PTPRM: variants seen among roughly 807,000 people sequenced by gnomAD.
PTPRM encodes the protein receptor-type tyrosine-protein phosphatase mu.
Under a neutral mutation model 186.7 loss-of-function variants are expected in PTPRM, and 47 were observed. The ratio of observed to expected loss-of-function variants is 0.25; its 90% CI spans 0.20 to 0.32. The LOEUF is 0.32. PTPRM is among the 10% of genes least tolerant of loss of function. The probability of loss-of-function intolerance (pLI) is 1.00; values close to 1 mark genes in which losing one functional copy is unlikely to be tolerated. For missense variants in PTPRM, 1,494 were observed against 1,865.0 expected (o/e 0.80, Z 3.66); for synonymous variants, 668 against 674.9 (o/e 0.99, Z 0.16).
chr18:7,912,678 AT>A (rs374480635), intron 4 of PTPRM, among the ~76,000 whole-genome samples: 211 of 145,340 alleles, frequency 1.5e-3, no homozygotes, highest in Non-Finnish European at 1.4e-3. Flanking sequence ...CGCCCGGCTA[AT>A]TTTTTTTTTT....
At chr18:8,357,415 T>A (rs965450351) in intron 23 of PTPRM, among the ~76,000 whole-genome samples, 8 of 152,222 alleles carry the variant, frequency 5.3e-5, no homozygotes, top group Admixed American at 5.2e-4. Flanking sequence ...TCAAAATTAC[T>A]TAAAGCTATC....
At chr18:7,681,596 AC>A (rs1478546278) in intron 1 of PTPRM, among the ~76,000 whole-genome samples, 1 of 151,856 alleles carries the variant, frequency 6.6e-6, no homozygotes, top group African/African-American at 2.4e-5. Flanking sequence ...AAAAAAAAAA[AC>A]AAAAAACCCT....
At chr18:7,609,649 T>G (rs2037624227) in intron 1 of PTPRM, among the ~76,000 whole-genome samples, 2 of 152,024 alleles carry the variant, frequency 1.3e-5, no homozygotes, top group Admixed American at 1.3e-4. Context: ...CATTTGCTGG[T>G]GTGGTTCCCA....
intron 2 of PTPRM, among the ~76,000 whole-genome samples, chr18:7,775,155 T>A (rs2042518888): frequency 6.6e-6 from 1 of 152,246 alleles, no homozygotes; most frequent in Admixed American, 6.5e-5. Context: ...GAAGTAGAGT[T>A]TAATGTTGTC....
chr18:7,662,891 G>T (rs769071636), intron 1 of PTPRM, among the ~76,000 whole-genome samples: 11 of 152,052 alleles, frequency 7.2e-5, no homozygotes, highest in Non-Finnish European at 8.8e-5. Context: ...AATTAAAAAA[G>T]ATATATACAT....
At chr18:7,789,249 A>G (rs939916461) in intron 2 of PTPRM, among the ~76,000 whole-genome samples, 7 of 151,986 alleles carry the variant, frequency 4.6e-5, no homozygotes, top group African/African-American at 1.7e-4. Context: ...TGCTTGAGCC[A>G]AGGAGGTTGA....
At chr18:8,208,410 T>C (rs2093957841) in intron 14 of PTPRM, among the ~76,000 whole-genome samples, 1 of 152,142 alleles carries the variant, frequency 6.6e-6, no homozygotes, top group African/African-American at 2.4e-5. Flanking sequence ...GGAGATAGAA[T>C]GTAACTAAAA....
chr18:7,715,897 TAAG>T (rs1391847421), intron 1 of PTPRM, among the ~76,000 whole-genome samples: 7 of 152,150 alleles, frequency 4.6e-5, no homozygotes, highest in Non-Finnish European at 7.3e-5. Flanking sequence ...TGTTCATGGA[TAAG>T]AAGAAGAACC....
At chr18:7,867,000 G>A (rs1251894358) in intron 2 of PTPRM, among the ~76,000 whole-genome samples, 1 of 152,102 alleles carries the variant, frequency 6.6e-6, no homozygotes, top group Non-Finnish European at 1.5e-5. Context: ...TCAGAGACTA[G>A]GATTGCAACC....
chr18:8,149,488 G>A (rs1041204688), intron 14 of PTPRM, among the ~76,000 whole-genome samples: 5 of 151,602 alleles, frequency 3.3e-5, no homozygotes, highest in South Asian at 2.1e-4. Context: ...GATTTTTTTC[G>A]CTTTCCATTT....
intron 19 of PTPRM, among the ~76,000 whole-genome samples, chr18:8,260,978 G>T (rs1280835040): frequency 6.6e-6 from 1 of 152,200 alleles, no homozygotes; most frequent in Non-Finnish European, 1.5e-5. Flanking sequence ...AGCAGGGGCA[G>T]GTGGAATCAA....
At chr18:8,188,573 G>C (rs1462607027) in intron 14 of PTPRM, among the ~76,000 whole-genome samples, 1 of 152,186 alleles carries the variant, frequency 6.6e-6, no homozygotes, top group East Asian at 1.9e-4. Context: ...CCCAGCCCTG[G>C]AAAGACAGTG....
At chr18:7,847,308 A>G (rs996347472) in intron 2 of PTPRM, among the ~76,000 whole-genome samples, 4 of 151,706 alleles carry the variant, frequency 2.6e-5, no homozygotes, top group Non-Finnish European at 5.9e-5. Context: ...CCGTGACTAC[A>G]GGCATGTGCC....
intron 1 of PTPRM, among the ~76,000 whole-genome samples, chr18:7,725,383 T>A (rs755632526): frequency 1.3e-5 from 2 of 152,108 alleles, no homozygotes; most frequent in Non-Finnish European, 2.9e-5. Flanking sequence ...TATGAGGTGG[T>A]GATAGGGACA....
In PTPRM at chr18:7,668,179, G is replaced by A. The variant is rs555881157; in HGVS notation, c.73+100288G>A. On this transcript the variant is annotated intron_variant, in intron 1 of 32. Transcript: ENST00000580170. This position sits in a 1 kb window ranked among gnomAD's most constrained non-coding sequence, Gnocchi z 4.7. ...TATTATTTAGCAGTCCTTCTTCAAAGGGTGTGCATGGTGAGGAGCTGCACC... is the reference window on the plus strand; with the variant it reads ...TATTATTTAGCAGTCCTTCTTCAAAAGGTGTGCATGGTGAGGAGCTGCACC... Among the ~76,000 whole-genome samples the A allele has an allele frequency of 3.3e-5, 5 of 152,258 alleles. No homozygotes were observed. In the East Asian group the frequency reaches 9.7e-4, roughly 29 times the overall value.
intron 2 of PTPRM, among the ~76,000 whole-genome samples, chr18:7,775,979 G>T (rs116168266): frequency 6.6e-6 from 1 of 151,990 alleles, no homozygotes; most frequent in South Asian, 2.1e-4. Flanking sequence ...TCTAGCACAG[G>T]CCGTTAAAAA....
chr18:7,655,829 G>A (rs548645646), intron 1 of PTPRM, among the ~76,000 whole-genome samples: 11 of 152,176 alleles, frequency 7.2e-5, no homozygotes, highest in South Asian at 2.1e-4. Context: ...TCACATTTTC[G>A]AAAAGGCAAA....
intron 1 of PTPRM, among the ~76,000 whole-genome samples, chr18:7,578,332 ATTTTTT>A (rs34096793): frequency 8.2e-6 from 1 of 121,554 alleles, no homozygotes; most frequent in Admixed American, 8.5e-5. Context: ...TGGCTAATTA[ATTTTTT>A]TTTTTTTTTT....
intron 21 of PTPRM, among the ~76,000 whole-genome samples, chr18:8,318,153 G>T (rs919602110): frequency 6.6e-6 from 1 of 151,892 alleles, no homozygotes; most frequent in African/African-American, 2.4e-5. Flanking sequence ...TTTGGGCATG[G>T]TATTTTGGGC....
Sources: allele counts gnomAD v4.1 joint callset (sites outside exome capture counted in the v4.1 genomes callset), GRCh38; gene constraint gnomAD v4.1.1; non-coding constraint Gnocchi (gnomAD v3.1); transcripts MANE v1.5; gene names NCBI Gene and HGNC (gene_info 2026-07-23, HGNC 2026-07-21).